RPH3AL: variants seen among roughly 807,000 people sequenced by gnomAD.
RPH3AL encodes the protein rabphilin 3A like (without C2 domains), also known as rab effector Noc2.
Under a neutral mutation model 43.1 loss-of-function variants are expected in RPH3AL, and 38 were observed. The observed-to-expected ratio is 0.88, with a 90% CI of 0.68 to 1.15. The LOEUF is 1.15. Ranked by LOEUF, RPH3AL falls within the 50% of genes most tolerant of loss-of-function variation. RPH3AL has a pLI of 0.00. For synonymous variants in RPH3AL, 189 were observed against 176.3 expected (o/e 1.07, Z -0.57); for missense variants, 462 against 423.2 (o/e 1.09, Z -0.81).
chr17:300,868 C>G (rs1439951311), intron 5 of RPH3AL, among the ~76,000 whole-genome samples: 2 of 151,702 alleles, frequency 1.3e-5, no homozygotes, highest in African/African-American at 4.9e-5. Flanking sequence ...CTCTCACCCG[C>G]TCTAGCAGGG....
chr17:316,826 C>G (rs1479317284), intron 5 of RPH3AL, among the ~76,000 whole-genome samples: 1 of 139,166 alleles, frequency 7.2e-6, no homozygotes, highest in East Asian at 2.1e-4. Context: ...CCTCCATTGA[C>G]CTGTAGTCCC....
intron 1 of RPH3AL, chr17:336,036 G>A (rs2044945381): frequency 7.4e-5 from 1 of 13,482 alleles, no homozygotes; most frequent in African/African-American, 1.6e-4. Flanking sequence ...CGACAGGGAG[G>A]AGATGGGGTT....
intron 5 of RPH3AL, among the ~76,000 whole-genome samples, chr17:295,946 C>T (rs370076688): frequency 9.9e-6 from 1 of 101,148 alleles, no homozygotes; most frequent in Non-Finnish European, 2.0e-5. Context: ...ACAGATGCTG[C>T]AGAAATGGAA....
At chr17:239,470 C>T (rs1394391549) in intron 7 of RPH3AL, among the ~76,000 whole-genome samples, 2 of 152,200 alleles carry the variant, frequency 1.3e-5, no homozygotes, top group Non-Finnish European at 2.9e-5. Flanking sequence ...TTTCTCTACT[C>T]TTGTCTATTC....
Position 215,689 on chromosome 17 carries a change from C to T in RPH3AL, c.841G>A (p.Gly281Arg). 1.6e-6 allele frequency: 2 copies of T among 1,275,920 alleles called. No homozygotes were observed. The highest frequency in any genetic ancestry group is 6.5e-5 in the South Asian group (2 of 30,704). The allele number at this position is 1,275,920 out of a possible 1,614,324, so 79.0% of individuals were successfully genotyped here. A position where few individuals can be genotyped will look rare whatever the true frequency, so the allele number is the denominator to read the frequency against. The change falls in exon 9 of 10, where the codon GGG becomes AGG. Residue 281 changes from glycine to arginine, a missense_variant. Transcript: ENST00000331302. The surrounding 1 kb of genome is among the most constrained non-coding windows in gnomAD (Gnocchi z 4.1). ...ETGTGSADPP[G>R]GPRPGLTRRA... is the part of the protein sequence containing the mutation. ...CGGGTCAGCCCGGGGCGGGGTCCCC[C>T]TGGCGGGTCAGCAGAGCCTGTCCCC...
chr17:228,437 C>G (rs572749752), intron 7 of RPH3AL, among the ~76,000 whole-genome samples: 1 of 152,072 alleles, frequency 6.6e-6, no homozygotes. Flanking sequence ...AAAGGAGTAA[C>G]GCGTTCGGCA....
intron 2 of RPH3AL, chr17:331,081 G>A (rs1420047437): frequency 6.6e-6 from 1 of 151,818 alleles, no homozygotes; most frequent in Non-Finnish European, 1.5e-5. Flanking sequence ...AGGCAAGCGA[G>A]GGAGGCAAGG....
At chr17:310,385 G>A (rs906604728) in intron 5 of RPH3AL, among the ~76,000 whole-genome samples, 2 of 152,134 alleles carry the variant, frequency 1.3e-5, no homozygotes, top group Non-Finnish European at 2.9e-5. Flanking sequence ...TCCTGCTGGG[G>A]GCGCGTGTGT....
rs147709088 is a variant in RPH3AL, at chr17:261,057, G to A, written c.439-13772C>T. On this transcript the variant is annotated intron_variant, in intron 6 of 9. Coordinates refer to ENST00000331302, the MANE Select transcript of RPH3AL (RefSeq NM_006987.4). ...TGAGGATGGAAGACCCCATGATGGC[G>A]GGAGCCAGGCAGAGTGCCCGGCAGG... Among the ~76,000 whole-genome samples the A allele has an allele frequency of 4.2e-3, 640 of 152,298 alleles. 12 individuals are homozygous for A. Among genetic ancestry groups the A allele is most frequent in the Non-Finnish European group, 1.2e-3 (84 of 68,024 alleles).
chr17:308,413 C>T (rs565144138), intron 5 of RPH3AL, among the ~76,000 whole-genome samples: 3 of 152,194 alleles, frequency 2.0e-5, no homozygotes, highest in Admixed American at 1.3e-4. Flanking sequence ...CAGGTAAACA[C>T]AGAACTGCCG....
Position 268,955 on chromosome 17 carries a change from C to T in RPH3AL, c.438+12813G>A, listed in dbSNP as rs150135283. The stretch of plus-strand genomic sequence containing the variant: ...GTGCAGTGCCGCGATCTCGGCTCAC[C>T]GCAAGCTCTGCCTCCCGGGTTCACG... On this transcript the variant is annotated intron_variant, in intron 6 of 9. Transcript: ENST00000331302. 5.2e-3 allele frequency among the ~76,000 whole-genome samples: 791 copies of T among 152,108 alleles called. 1 individual carries two copies. The highest frequency in any genetic ancestry group is 8.7e-3 in the East Asian group (45 of 5,162).
rs181226695 is a variant in RPH3AL, at chr17:232,335, C to T, written c.614-12599G>A. The stretch of plus-strand genomic sequence containing the variant: ...GACACGAAATAACGGAGACGCACAG[C>T]GCCCAGGACAGCCTGCAATGAGCAC... On this transcript the variant is annotated intron_variant, in intron 7 of 9. Transcript: ENST00000331302. Among the ~76,000 whole-genome samples the T allele has an allele frequency of 2.1e-3, 320 of 152,328 alleles. 4 individuals are homozygous for T. Among genetic ancestry groups the T allele is most frequent in the East Asian group, 1.3e-3 (7 of 5,188 alleles).
intron 5 of RPH3AL, among the ~76,000 whole-genome samples, chr17:308,002 G>C (rs967780963): frequency 1.3e-5 from 2 of 152,238 alleles, no homozygotes; most frequent in African/African-American, 2.4e-5. Context: ...AGATGCAAGA[G>C]AGCCGAAGCA....
At chr17:260,961 C>G (rs2042183458) in intron 6 of RPH3AL, among the ~76,000 whole-genome samples, 1 of 152,212 alleles carries the variant, frequency 6.6e-6, no homozygotes, top group Non-Finnish European at 1.5e-5. Flanking sequence ...AGCTTCCAGA[C>G]ATAATCTTGC....
At chr17:296,624 C>G (rs969381807) in intron 5 of RPH3AL, among the ~76,000 whole-genome samples, 1 of 152,222 alleles carries the variant, frequency 6.6e-6, no homozygotes, top group South Asian at 2.1e-4. Flanking sequence ...GATGGCTCGC[C>G]ATGGCCACCA....
At chr17:243,942 C>T (rs962075395) in intron 7 of RPH3AL, among the ~76,000 whole-genome samples, 11 of 149,450 alleles carry the variant, frequency 7.4e-5, no homozygotes, top group African/African-American at 2.8e-4. Context: ...GATTACCCTT[C>T]CTCTACTGAT....
At chr17:280,710 C>G (rs987467649) in intron 6 of RPH3AL, among the ~76,000 whole-genome samples, 2 of 152,090 alleles carry the variant, frequency 1.3e-5, no homozygotes, top group African/African-American at 4.8e-5. Flanking sequence ...ACTTGGAAGG[C>G]AGTACTGAAG....
chr17:352,275 G>A (rs958636999), intron 1 of RPH3AL, among the ~76,000 whole-genome samples: 2 of 152,188 alleles, frequency 1.3e-5, no homozygotes, highest in East Asian at 1.9e-4. Flanking sequence ...GCTCCGATGC[G>A]TGGCCCCCAT....
chr17:270,030 C>A (rs989012398), intron 6 of RPH3AL, among the ~76,000 whole-genome samples: 2 of 152,154 alleles, frequency 1.3e-5, no homozygotes, highest in Non-Finnish European at 2.9e-5. Flanking sequence ...GGAGGCTGCA[C>A]TGATAGCGGG....
Sources: allele counts gnomAD v4.1 joint callset (sites outside exome capture counted in the v4.1 genomes callset), GRCh38; gene constraint gnomAD v4.1.1; non-coding constraint Gnocchi (gnomAD v3.1); transcripts MANE v1.5; gene names NCBI Gene and HGNC (gene_info 2026-07-23, HGNC 2026-07-21).